EHMT1: variants seen among roughly 807,000 people sequenced by gnomAD.
EHMT1 encodes the protein euchromatic histone lysine methyltransferase 1, also known as histone-lysine N-methyltransferase EHMT1.
EHMT1 carries 15 observed loss-of-function variants against 147.2 expected under a neutral mutation model. The ratio of observed to expected loss-of-function variants is 0.10; its 90% CI spans 0.07 to 0.16. The LOEUF (loss-of-function observed/expected upper bound fraction) is 0.16, where lower values mean the gene tolerates loss of function less well. Ranked by LOEUF, EHMT1 falls within the 10% of genes least tolerant of loss-of-function variation. EHMT1 has a pLI of 1.00. For synonymous variants in EHMT1, 795 were observed against 709.6 expected (o/e 1.12, Z -1.91); for missense variants, 1,587 against 1,772.4 (o/e 0.90, Z 1.88).
chr9:137,800,610 G>A (rs546787821), intron 17 of EHMT1: 22 of 517,854 alleles, frequency 4.2e-5, no homozygotes, highest in South Asian at 2.1e-4. Context: ...AACTGGGAGC[G>A]GGCAAGGCCG....
chr9:137,764,401 C>T (rs543474643), intron 10 of EHMT1: 1 of 152,350 alleles, frequency 6.6e-6, no homozygotes, highest in East Asian at 1.9e-4. Flanking sequence ...CTCTGCAGAG[C>T]CTCTCACTTG....
At chr9:137,791,366 A>G (rs1391901134) in intron 16 of EHMT1, among the ~76,000 whole-genome samples, 1 of 152,204 alleles carries the variant, frequency 6.6e-6, no homozygotes, top group Non-Finnish European at 1.5e-5. Flanking sequence ...AGAAAATCCT[A>G]AAGAATATGC....
chr9:137,739,453 G>A (rs1947860671), intron 4 of EHMT1, among the ~76,000 whole-genome samples: 1 of 152,226 alleles, frequency 6.6e-6, no homozygotes, highest in Admixed American at 6.5e-5. Context: ...GTCCACACTT[G>A]GGTAGAAGCT....
Position 137,779,731 on chromosome 9 carries a change from T to A in EHMT1, c.2275+14T>A. The A allele has an allele frequency of 6.2e-7, 1 of 1,612,990 alleles. No individual in the cohort carries two copies. Among genetic ancestry groups the A allele is most frequent in the South Asian group, 1.1e-5 (1 of 91,072 alleles). ...TCCTCATGCTGGGTAAGTGCCTTCC[T>A]GCGGCCCGGGCACATGCAGCCGGCC... On this transcript the variant is annotated intron_variant, in intron 14 of 26. Transcript: ENST00000460843.
chr9:137,815,542 C>T (rs1055272131), intron 22 of EHMT1: 13 of 320,904 alleles, frequency 4.1e-5, no homozygotes, highest in African/African-American at 1.9e-4. Context: ...GGTCCCTCCA[C>T]AGTTGAGGAT....
intron 3 of EHMT1, among the ~76,000 whole-genome samples, chr9:137,726,015 G>A (rs958279845): frequency 9.2e-5 from 14 of 152,188 alleles, no homozygotes; most frequent in South Asian, 6.2e-4. Context: ...TGGACCCACC[G>A]AGCACTTTGA....
intron 6 of EHMT1, 82 bp downstream of exon 6, chr9:137,744,172 C>A: frequency 1.4e-6 from 2 of 1,448,488 alleles, no homozygotes; most frequent in South Asian, 1.2e-5. Flanking sequence ...ACAGTCTGGT[C>A]ACTTCTAGAC....
At chr9:137,763,146 G>T in intron 10 of EHMT1, 1 of 544,842 alleles carries the variant, frequency 1.8e-6, no homozygotes, top group East Asian at 3.2e-5. Flanking sequence ...ATTGAGGCAG[G>T]ATAGTCACAC....
intron 16 of EHMT1, among the ~76,000 whole-genome samples, chr9:137,797,525 G>A (rs1365212889): frequency 6.6e-6 from 1 of 152,206 alleles, no homozygotes; most frequent in African/African-American, 2.4e-5. Context: ...TCTGCCAGCA[G>A]TTAGGAGATT....
chr9:137,753,329 C>T (rs1949124179), intron 7 of EHMT1, among the ~76,000 whole-genome samples: 1 of 152,166 alleles, frequency 6.6e-6, no homozygotes, highest in African/African-American at 2.4e-5. Flanking sequence ...AGGGGTCTGT[C>T]TTTGGGTGGC....
intron 1 of EHMT1, among the ~76,000 whole-genome samples, chr9:137,636,076 C>T (rs1053168161): frequency 6.6e-6 from 1 of 151,606 alleles, no homozygotes; most frequent in Non-Finnish European, 1.5e-5. Context: ...TGCATGCCAC[C>T]ACGCCTTGCT....
chr9:137,677,536 C>T (rs2134438996), intron 1 of EHMT1, among the ~76,000 whole-genome samples: 1 of 152,162 alleles, frequency 6.6e-6, no homozygotes, highest in South Asian at 2.1e-4. Flanking sequence ...CGCCATTCTC[C>T]TGCCTCAGCC....
In EHMT1 at chr9:137,776,585, A is replaced by T; in HGVS notation, c.1792-33A>T. The T allele has an allele frequency of 6.2e-7, 1 of 1,611,580 alleles. No individual in the cohort carries two copies. Among genetic ancestry groups the T allele is most frequent in the Non-Finnish European group, 8.5e-7 (1 of 1,178,106 alleles). ...TTTTCTAAATATTAACCCCAATTAA[A>T]ACAAAAATTTTTTTTTGTCCTCCCA... is the stretch of plus-strand genomic sequence containing the variant. On this transcript the variant is annotated intron_variant, in intron 11 of 26. Transcript: ENST00000460843. This position sits in a 1 kb window ranked among gnomAD's most constrained non-coding sequence, Gnocchi z 4.4.
At chr9:137,625,643 T>C (rs1843208410) in intron 1 of EHMT1, among the ~76,000 whole-genome samples, 1 of 151,546 alleles carries the variant, frequency 6.6e-6, no homozygotes, top group African/African-American at 2.4e-5. Flanking sequence ...TGGCCGACAG[T>C]TTATTCTTTA....
intron 9 of EHMT1, among the ~76,000 whole-genome samples, chr9:137,761,690 C>G (rs1949832537): frequency 6.6e-6 from 1 of 152,132 alleles, no homozygotes; most frequent in Non-Finnish European, 1.5e-5. Flanking sequence ...ATCTCCTGAC[C>G]TCGTGATCTG....
chr9:137,771,841 G>A (rs916895393), intron 10 of EHMT1, among the ~76,000 whole-genome samples: 1 of 152,192 alleles, frequency 6.6e-6, no homozygotes, highest in African/African-American at 2.4e-5. Flanking sequence ...GCTGGGATGA[G>A]TCACAGGGGA....
intron 1 of EHMT1, among the ~76,000 whole-genome samples, chr9:137,694,940 A>T (rs954851088): frequency 6.6e-6 from 1 of 152,336 alleles, no homozygotes; most frequent in Admixed American, 6.5e-5. Context: ...TAAGAACGGC[A>T]AGTAGCCGTT....
At chr9:137,653,980 C>G (rs1938151438) in intron 1 of EHMT1, among the ~76,000 whole-genome samples, 1 of 152,196 alleles carries the variant, frequency 6.6e-6, no homozygotes, top group Non-Finnish European at 1.5e-5. Flanking sequence ...TGGTATGAAG[C>G]AGGGGTCCAT....
chr9:137,670,934 C>CA (rs1349361534), intron 1 of EHMT1, among the ~76,000 whole-genome samples: 4 of 152,166 alleles, frequency 2.6e-5, no homozygotes, highest in Admixed American at 2.6e-4. Context: ...CTCCTGTGGC[C>CA]ACACCCTCTG....
Sources: allele counts gnomAD v4.1 joint callset (sites outside exome capture counted in the v4.1 genomes callset), GRCh38; gene constraint gnomAD v4.1.1; non-coding constraint Gnocchi (gnomAD v3.1); transcripts MANE v1.5; gene names NCBI Gene and HGNC (gene_info 2026-07-23, HGNC 2026-07-21).